NOTCH1: variants seen among roughly 807,000 people sequenced by gnomAD.
NOTCH1 encodes neurogenic locus notch homolog protein 1.
Under a neutral mutation model 254.8 loss-of-function variants are expected in NOTCH1, and 37 were observed. That is an observed-to-expected ratio of 0.15 (90% CI 0.11 to 0.19). NOTCH1 has a LOEUF of 0.19. NOTCH1 is among the 10% of genes least tolerant of loss of function. The probability of loss-of-function intolerance (pLI) is 1.00; values close to 1 mark genes in which losing one functional copy is unlikely to be tolerated. For synonymous variants in NOTCH1, 1,731 were observed against 1,618.1 expected (o/e 1.07, Z -1.68); for missense variants, 2,972 against 3,708.6 (o/e 0.80, Z 5.16).
Position 136,513,005 on chromosome 9 carries a change from C to A in NOTCH1, c.2467+16G>T, listed in dbSNP as rs1309167543. ...AGGCCCCGCCCCCTCCAGCACAGGCCCCACCCACCCCTCACCTGTGTAGGG... is the reference window on the plus strand; with the variant it reads ...AGGCCCCGCCCCCTCCAGCACAGGCACCACCCACCCCTCACCTGTGTAGGG... On this transcript the variant is annotated intron_variant, in intron 15 of 33. Coordinates refer to ENST00000651671, the MANE Select transcript of NOTCH1 (RefSeq NM_017617.5). This position sits in a 1 kb window ranked among gnomAD's most constrained non-coding sequence, Gnocchi z 4.7. The A allele has an allele frequency of 6.8e-7, 1 of 1,463,868 alleles. No individual in the cohort carries two copies. The highest frequency in any genetic ancestry group is 9.5e-7 in the Non-Finnish European group (1 of 1,053,798). The allele number at this position is 1,463,868 out of a possible 1,614,324, so 90.7% of individuals were successfully genotyped here.
At chr9:136,525,734 A>G (rs1319451594) in intron 2 of NOTCH1, among the ~76,000 whole-genome samples, 5 of 152,218 alleles carry the variant, frequency 3.3e-5, no homozygotes, top group Admixed American at 3.3e-4. Flanking sequence ...TATGTGTGGC[A>G]GTGGCCTGGG....
chr9:136,544,892 C>A (rs1347256579), intron 1 of NOTCH1, among the ~76,000 whole-genome samples: 1 of 150,948 alleles, frequency 6.6e-6, no homozygotes, highest in Admixed American at 6.6e-5. Flanking sequence ...CCCATCTTAC[C>A]GGGGCTGAGA....
intron 2 of NOTCH1, among the ~76,000 whole-genome samples, chr9:136,528,516 TGGGCAGGGACAGTGGAGGGAC>T (rs1163969869): frequency 5.3e-4 from 48 of 91,212 alleles, no homozygotes; most frequent in African/African-American, 2.0e-3. Context: ...GTGAGGGGGA[TGGGCAGGGACAGTGGAGGGAC>T]GGGCAGGGAC....
At chr9:136,515,213 C>A in intron 12 of NOTCH1, 77 bp downstream of exon 12, 1 of 1,404,882 alleles carries the variant, frequency 7.1e-7, no homozygotes, top group Non-Finnish European at 1.0e-6. Flanking sequence ...CCCAACCCCT[C>A]AGCAGCCCCA....
In NOTCH1 at chr9:136,545,798, G is replaced by C. The variant is rs1310999479; in HGVS notation, c.-12C>G. The C allele has an allele frequency of 6.2e-6, 8 of 1,288,346 alleles. No individual in the cohort carries two copies. The highest frequency in any genetic ancestry group is 3.8e-5 in the Admixed American group (1 of 26,342). 79.8% of individuals were successfully genotyped at this position (1,288,346 alleles called of 1,614,324 possible). Reference sequence around the variant, plus strand: ...AGGAGCGGCGGCATGCCTCCCCACCGGCTGCCCTCTGCGCCCGGGCGGCGG... The same window carrying C: ...AGGAGCGGCGGCATGCCTCCCCACCCGCTGCCCTCTGCGCCCGGGCGGCGG... On this transcript the variant is annotated 5_prime_UTR_variant, in exon 1 of 34. Coordinates refer to ENST00000651671, the MANE Select transcript of NOTCH1 (RefSeq NM_017617.5). The surrounding 1 kb of genome is among the most constrained non-coding windows in gnomAD (Gnocchi z 6.8).
chr9:136,499,229 C>G lies in NOTCH1; in HGVS notation c.5965G>C (p.Asp1989His), dbSNP rs587777734. Residue 1989 changes from aspartate to histidine, a missense_variant, in exon 32 of 34, where the codon GAT (aspartate) becomes CAT (histidine). Physicochemically the swap from Asp to His is moderately conservative, Grantham distance 81. This residue lies in a region of NOTCH1 where 421 missense variants were observed against 604.4 expected (regional missense o/e 0.70). Coordinates refer to ENST00000651671, the MANE Select transcript of NOTCH1 (RefSeq NM_017617.5). The part of the protein sequence containing the change: ...ILIRNRATDL[D>H]ARMHDGTTPL... ...GTCGTGCCATCATGCATGCGGGCAT[C>G]CAGGTCTGTGGCTCGGTTCCGGATC... is the stretch of plus-strand genomic sequence containing the variant. 1 of 1,613,298 alleles carries G rather than the reference C, an allele frequency of 6.2e-7. No homozygotes were observed. Among genetic ancestry groups the G allele is most frequent in the Middle Eastern group, 1.6e-4 (1 of 6,062 alleles).
At position 136,495,702 on chromosome 9, in the gene NOTCH1, G is replaced by GA; in HGVS notation, c.*368dup. 1 of 409,034 alleles carries GA rather than the reference G, an allele frequency of 2.4e-6. No individual in the cohort carries two copies. The highest frequency in any genetic ancestry group is 3.5e-5 in the East Asian group (1 of 28,762). 25.3% of individuals were successfully genotyped at this position (409,034 alleles called of 1,614,324 possible). Reference sequence around the variant, plus strand: ...CCAACATCATTTCTTTTTGGATTTTGAAAAAAGGAATCAATAAATAAATGG... The same window carrying GA: ...CCAACATCATTTCTTTTTGGATTTTGAAAAAAAGGAATCAATAAATAAATGG... On this transcript the variant is annotated 3_prime_UTR_variant, in exon 34 of 34. Transcript: ENST00000651671.
At chr9:136,519,230 G>C (rs1189442860) in intron 5 of NOTCH1, among the ~76,000 whole-genome samples, 3 of 152,240 alleles carry the variant, frequency 2.0e-5, no homozygotes, top group Admixed American at 2.0e-4. Context: ...AGACCAACCA[G>C]GGCCCTGTCT....
intron 26 of NOTCH1, among the ~76,000 whole-genome samples, chr9:136,504,205 T>C (rs1843041548): frequency 6.6e-6 from 1 of 152,164 alleles, no homozygotes. Context: ...CTTTTAATAC[T>C]TTTTTAAAAA....
At position 136,513,636 on chromosome 9, in the gene NOTCH1, T is replaced by C. The variant is rs1409611181; in HGVS notation, c.2208-99A>G. The C allele has an allele frequency of 2.2e-6, 3 of 1,384,214 alleles. No homozygotes were observed. Among genetic ancestry groups the C allele is most frequent in the Non-Finnish European group, 3.0e-6 (3 of 996,332 alleles). The allele number at this position is 1,384,214 out of a possible 1,614,324, so 85.7% of individuals were successfully genotyped here. ...GCAATGCCCTATGGGCTGGCGGAGG[T>C]GCCCATCCACTCAGACTCGCAGAGT... On this transcript the variant is annotated intron_variant, in intron 13 of 33. Coordinates refer to ENST00000651671, the MANE Select transcript of NOTCH1 (RefSeq NM_017617.5). This position sits in a 1 kb window ranked among gnomAD's most constrained non-coding sequence, Gnocchi z 4.7.
intron 2 of NOTCH1, among the ~76,000 whole-genome samples, chr9:136,524,631 TTTC>T (rs1487027427): frequency 9.2e-4 from 118 of 127,778 alleles, no homozygotes; most frequent in African/African-American, 3.5e-3. Flanking sequence ...AGCCTTTCTT[TTTC>T]TTTTCTTTTT....
chr9:136,523,229 C>T (rs1417405589), intron 3 of NOTCH1, 41 bp from the exon 4 acceptor site: 9 of 1,545,006 alleles, frequency 5.8e-6, no homozygotes, highest in African/African-American at 4.1e-5. Flanking sequence ...GGCCTCACTG[C>T]TCCCCGAGGC....
At position 136,513,128 on chromosome 9, in the gene NOTCH1, T is replaced by C. The variant is rs1333231069; in HGVS notation, c.2360A>G (p.Asn787Ser). The C allele has an allele frequency of 6.2e-7, 1 of 1,612,386 alleles. No homozygotes were observed. The highest frequency in any genetic ancestry group is 8.5e-7 in the Non-Finnish European group (1 of 1,179,652). The change falls in exon 15 of 34, where the codon AAC (asparagine) becomes AGC (serine). Residue 787 changes from asparagine (N) to serine (S), a missense_variant. Around this residue, in one of 8 missense-constraint regions of NOTCH1, gnomAD observed 1,343 missense variants for 1,557.0 expected, o/e 0.86. Transcript: ENST00000651671. This position sits in a 1 kb window ranked among gnomAD's most constrained non-coding sequence, Gnocchi z 4.7. ...CTCREGFSGP[N>S]CQTNINECAS... The stretch of plus-strand genomic sequence containing the variant: ...ACACTCGTTGATGTTGGTCTGGCAG[T>C]TGGGACCTGGAGGGAAGGGGACAGC...
chr9:136,519,798 C>G (rs1301676523), intron 4 of NOTCH1, among the ~76,000 whole-genome samples: 1 of 152,234 alleles, frequency 6.6e-6, no homozygotes, highest in Non-Finnish European at 1.5e-5. Context: ...CACAGGGTTC[C>G]AGAAGATTCT....
chr9:136,496,489 G>T lies in NOTCH1; in HGVS notation c.7250C>A (p.Pro2417Gln), dbSNP rs370652630. 6.2e-7 allele frequency: 1 copy of T among 1,601,780 alleles called. No homozygotes were observed. Among genetic ancestry groups the T allele is most frequent in the Non-Finnish European group, 8.5e-7 (1 of 1,179,886 alleles). ...GGCTGCTGAGCTCACGCCAAGGTGCGGCTGTGGTGGTGGTGGTGGCGGCTG... is the reference window on the plus strand; with the variant it reads ...GGCTGCTGAGCTCACGCCAAGGTGCTGCTGTGGTGGTGGTGGTGGCGGCTG... Reference protein sequence around the residue: ...SLQPPPPPPQPHLGVSSAASG... With the variant: ...SLQPPPPPPQQHLGVSSAASG... The change falls in exon 34 of 34, where the codon CCG becomes CAG. Residue 2417 changes from proline (P) to glutamine (Q), a missense_variant. By Grantham distance (76) the Pro-to-Gln change is moderately conservative. Transcript: ENST00000651671.
At chr9:136,525,949 C>A (rs1226734176) in intron 2 of NOTCH1, among the ~76,000 whole-genome samples, 1 of 152,264 alleles carries the variant, frequency 6.6e-6, no homozygotes, top group Non-Finnish European at 1.5e-5. Flanking sequence ...AGTCCCAAAC[C>A]AACTGGCTTA....
chr9:136,505,534 G>A lies in NOTCH1; in HGVS notation c.4362C>T (p.Cys1454=), dbSNP rs944984360. The A allele has an allele frequency of 1.2e-6, 2 of 1,612,032 alleles. No homozygotes were observed. Among genetic ancestry groups the A allele is most frequent in the South Asian group, 1.1e-5 (1 of 91,064 alleles). The change falls in exon 25 of 34, where the codon TGC becomes TGT. Residue 1454 remains cysteine (C), a synonymous_variant. Transcript: ENST00000651671. The stretch of plus-strand genomic sequence containing the variant: ...AGACCTTGTTGCCCGCGTCCTCCTG[G>A]CACTCGGGCAGCTCGCACGCCTCCT... ...LIEEACELPE[C]QEDAGNKVCS... is the part of the protein sequence containing the mutation.
rs760776152 is a variant in NOTCH1 at position 136,501,881 on chromosome 9, G to A, written c.5505C>T (p.Asp1835=). The A allele has an allele frequency of 9.3e-6, 15 of 1,612,204 alleles. No homozygotes were observed. Among genetic ancestry groups the A allele is most frequent in the South Asian group, 3.3e-5 (3 of 91,078 alleles). ...TCCACTGCCGGTGGTCTGTCTGGTCGTCCAGGTCAGGCAGAACCACGGGCT... is the reference window on the plus strand; with the variant it reads ...TCCACTGCCGGTGGTCTGTCTGGTCATCCAGGTCAGGCAGAACCACGGGCT... ...FEEPVVLPDL[D]DQTDHRQWTQ... is the part of the protein sequence containing the mutation. The change falls in exon 30 of 34, where the codon GAC becomes GAT. Residue 1835 remains aspartate, a synonymous_variant. Transcript: ENST00000651671.
Position 136,496,762 on chromosome 9 carries a change from A to G in NOTCH1, c.6977T>C (p.Leu2326Pro). 1 of 1,612,822 alleles carries G rather than the reference A, an allele frequency of 6.2e-7. No homozygotes were observed. The highest frequency in any genetic ancestry group is 8.5e-7 in the Non-Finnish European group (1 of 1,180,000). Residue 2326 changes from leucine (L) to proline (P), a missense_variant, in exon 34 of 34, where the codon CTG becomes CCG. By Grantham distance (98) the Leu-to-Pro change is moderately conservative. Transcript: ENST00000651671. ...SGMVPNQYNP[L>P]RGSVAPGPLS... ...GGGGCCTGGTGCCACACTCCCCCGC[A>G]GAGGGTTGTATTGGTTCGGCACCAT...
Sources: allele counts gnomAD v4.1 joint callset (sites outside exome capture counted in the v4.1 genomes callset), GRCh38; gene constraint gnomAD v4.1.1; regional missense constraint gnomAD v4.1.1; non-coding constraint Gnocchi (gnomAD v3.1); transcripts MANE v1.5; gene names NCBI Gene and HGNC (gene_info 2026-07-23, HGNC 2026-07-21).